The following APBA1 variants were observed in gnomAD, a reference collection of about 807,000 sequenced individuals.
The protein encoded by APBA1 is amyloid-beta A4 precursor protein-binding family A member 1.
Under a neutral mutation model 86.6 loss-of-function variants are expected in APBA1, and 55 were observed. The observed-to-expected ratio is 0.64, with a 90% CI of 0.51 to 0.80. The LOEUF (loss-of-function observed/expected upper bound fraction) is 0.80, where lower values mean the gene tolerates loss of function less well. Ranked by LOEUF, APBA1 falls within the 30% of genes least tolerant of loss-of-function variation. APBA1 has a pLI of 0.00. For synonymous variants in APBA1, 511 were observed against 493.9 expected (o/e 1.03, Z -0.46); for missense variants, 1,090 against 1,183.0 (o/e 0.92, Z 1.15).
At chr9:69,495,647 C>G (rs1026052431) in intron 2 of APBA1, among the ~76,000 whole-genome samples, 1 of 152,088 alleles carries the variant, frequency 6.6e-6, no homozygotes, top group Non-Finnish European at 1.5e-5. Context: ...GCTGGCCTAC[C>G]CCTTCTGGCA....
chr9:69,487,092 C>T (rs918982368), intron 2 of APBA1, among the ~76,000 whole-genome samples: 8 of 151,952 alleles, frequency 5.3e-5, no homozygotes, highest in Non-Finnish European at 1.0e-4. Flanking sequence ...GTAAAGGCTT[C>T]CTGCCTCCTT....
chr9:69,621,099 A>T (rs1822808340), intron 1 of APBA1, among the ~76,000 whole-genome samples: 2 of 152,220 alleles, frequency 1.3e-5, no homozygotes, highest in African/African-American at 4.8e-5. Flanking sequence ...ACTTTTGGTA[A>T]AAATCAGAGA....
intron 10 of APBA1, among the ~76,000 whole-genome samples, chr9:69,443,307 C>A (rs1420076955): frequency 6.6e-6 from 1 of 152,224 alleles, no homozygotes; most frequent in Non-Finnish European, 1.5e-5. Context: ...ACTACTACTG[C>A]AGAACAATGA....
intron 5 of APBA1, chr9:69,460,646 TACCC>T (rs1235780410): frequency 6.6e-6 from 1 of 150,802 alleles, no homozygotes; most frequent in Non-Finnish European, 1.5e-5. Context: ...ATCACTGGAG[TACCC>T]AAATTCTTTT....
intron 1 of APBA1, among the ~76,000 whole-genome samples, chr9:69,623,112 A>C (rs1441606310): frequency 6.6e-6 from 1 of 152,190 alleles, no homozygotes; most frequent in African/African-American, 2.4e-5. Context: ...TCTGGAAAAC[A>C]GCAAGTTTAA....
chr9:69,506,479 C>T (rs1202398042), intron 2 of APBA1, among the ~76,000 whole-genome samples: 1 of 85,306 alleles, frequency 1.2e-5, no homozygotes, highest in Non-Finnish European at 2.4e-5. Context: ...AAGGCAGCAG[C>T]GAGGCTCGGG....
intron 2 of APBA1, among the ~76,000 whole-genome samples, chr9:69,492,590 G>C (rs922453583): frequency 6.6e-5 from 10 of 152,080 alleles, no homozygotes; most frequent in Admixed American, 1.3e-4. Flanking sequence ...CTAAGGCTGG[G>C]GGGTATATAC....
At chr9:69,594,561 A>G (rs1182861013) in intron 1 of APBA1, among the ~76,000 whole-genome samples, 3 of 152,222 alleles carry the variant, frequency 2.0e-5, no homozygotes, top group Non-Finnish European at 4.4e-5. Flanking sequence ...ATGACATTAT[A>G]GAGGAAGGGA....
chr9:69,455,093 G>A (rs1433140641), intron 8 of APBA1, among the ~76,000 whole-genome samples: 1 of 152,176 alleles, frequency 6.6e-6, no homozygotes, highest in East Asian at 1.9e-4. Flanking sequence ...CAGGATGGCT[G>A]CTGACACCTA....
chr9:69,572,965 A>T (rs536220062), intron 1 of APBA1, among the ~76,000 whole-genome samples: 11 of 152,262 alleles, frequency 7.2e-5, no homozygotes, highest in Non-Finnish European at 1.3e-4. Flanking sequence ...AGAGGTATTT[A>T]TAGAGACCAT....
At chr9:69,658,982 T>C (rs11139651) in intron 1 of APBA1, among the ~76,000 whole-genome samples, 22,413 of 152,078 alleles carry the variant, frequency 0.15, 1,761 homozygotes, top group African/African-American at 0.17. Flanking sequence ...CTCTTTGCAG[T>C]ATTTTGTTTG....
intron 1 of APBA1, among the ~76,000 whole-genome samples, chr9:69,537,604 G>A (rs1481576884): frequency 6.6e-6 from 1 of 152,084 alleles, no homozygotes; most frequent in Non-Finnish European, 1.5e-5. Flanking sequence ...TTCAAAATAA[G>A]TCATGAGGCA....
At chr9:69,631,691 T>C (rs1477738315) in intron 1 of APBA1, among the ~76,000 whole-genome samples, 2 of 152,114 alleles carry the variant, frequency 1.3e-5, no homozygotes, top group East Asian at 1.9e-4. Flanking sequence ...ATTAAGAAAA[T>C]GTGACACATA....
chr9:69,468,044 C>T, intron 4 of APBA1, 76 bp from the exon 5 acceptor site: 2 of 1,554,778 alleles, frequency 1.3e-6, no homozygotes, highest in Non-Finnish European at 1.7e-6. Flanking sequence ...CACATCTCCC[C>T]TCTCCCATGC....
At chr9:69,609,624 T>G (rs2133980790) in intron 1 of APBA1, among the ~76,000 whole-genome samples, 1 of 152,284 alleles carries the variant, frequency 6.6e-6, no homozygotes, top group East Asian at 1.9e-4. Context: ...TTGATGAAAA[T>G]GATATCAGAA....
chr9:69,521,641 A>G (rs1201512637), intron 1 of APBA1, among the ~76,000 whole-genome samples: 2 of 152,204 alleles, frequency 1.3e-5, no homozygotes, highest in Non-Finnish European at 2.9e-5. Flanking sequence ...AAACAGAGTA[A>G]CGCCATAGAA....
In APBA1 at chr9:69,568,094, G is replaced by T. The variant is rs143891782; in HGVS notation, c.-69-50815C>A. ...TAAGGTCAGTCTACACTTCCTTGCAGTATGGACTACTAAACTGCCTGGGTA... is the reference window on the plus strand; with the variant it reads ...TAAGGTCAGTCTACACTTCCTTGCATTATGGACTACTAAACTGCCTGGGTA... On this transcript the variant is annotated intron_variant, in intron 1 of 12. Coordinates refer to ENST00000265381, the MANE Select transcript of APBA1 (RefSeq NM_001163.4). Among the ~76,000 whole-genome samples, 80 of 152,306 alleles carry T rather than the reference G, an allele frequency of 5.3e-4. No homozygotes were observed. In the East Asian group the frequency reaches 0.015, roughly 29 times the overall value.
chr9:69,503,366 CT>C, intron 2 of APBA1, among the ~76,000 whole-genome samples: 1 of 152,202 alleles, frequency 6.6e-6, no homozygotes, highest in Non-Finnish European at 1.5e-5. Context: ...ATCTTTTTCC[CT>C]GGAATTTATT....
intron 2 of APBA1, among the ~76,000 whole-genome samples, chr9:69,486,190 G>A (rs1835606753): frequency 6.6e-6 from 1 of 152,000 alleles, no homozygotes. Flanking sequence ...GACCTCAAGT[G>A]ATCCGCCCGC....
Sources: allele counts gnomAD v4.1 joint callset (sites outside exome capture counted in the v4.1 genomes callset), GRCh38; gene constraint gnomAD v4.1.1; transcripts MANE v1.5; gene names NCBI Gene and HGNC (gene_info 2026-07-23, HGNC 2026-07-21).